The following TCERG1L variants were observed in gnomAD, a reference collection of about 807,000 sequenced individuals.
TCERG1L encodes transcription elongation regulator 1 like.
Under a neutral mutation model 56.3 loss-of-function variants are expected in TCERG1L, and 37 were observed. The ratio of observed to expected loss-of-function variants is 0.66; its 90% CI spans 0.51 to 0.87. TCERG1L has a LOEUF of 0.87. Ranked by LOEUF, TCERG1L falls within the 40% of genes least tolerant of loss-of-function variation. TCERG1L has a pLI of 0.00. For synonymous variants in TCERG1L, 324 were observed against 326.3 expected, an observed-to-expected ratio of 0.99 and a Z score of 0.08; for missense variants, 799 against 774.2, an observed-to-expected ratio of 1.03 and a Z score of -0.38.
Position 131,311,215 on chromosome 10 carries a change from C to T in TCERG1L, c.342+79G>A. 8.9e-7 allele frequency: 1 copy of T among 1,122,178 alleles called. No individual in the cohort carries two copies. Among genetic ancestry groups the T allele is most frequent in the Non-Finnish European group, 1.1e-6 (1 of 901,942 alleles). The allele number at this position is 1,122,178 out of a possible 1,614,324, so 69.5% of individuals were successfully genotyped here. A position where few individuals can be genotyped will look rare whatever the true frequency, so the allele number is the denominator to read the frequency against. On this transcript the variant is annotated intron_variant, in intron 1 of 11. Transcript: ENST00000368642. The surrounding 1 kb of genome is among the most constrained non-coding windows in gnomAD (Gnocchi z 4.0). ...GGGAGGAGGGCGCGCGAGCCGGAGG[C>T]CAGAGCCGGGCCGGGCAGGGCGCGC...
At chr10:131,182,904 CT>C (rs1465315012) in intron 4 of TCERG1L, among the ~76,000 whole-genome samples, 2 of 152,138 alleles carry the variant, frequency 1.3e-5, no homozygotes, top group African/African-American at 4.8e-5. Flanking sequence ...ATACAAATGG[CT>C]TTAATTAGTT....
chr10:131,304,382 C>A (rs1846798241), intron 3 of TCERG1L, among the ~76,000 whole-genome samples: 1 of 151,990 alleles, frequency 6.6e-6, no homozygotes, highest in East Asian at 1.9e-4. Flanking sequence ...CCCCCCAGAC[C>A]CTTCTCCACG....
chr10:131,174,607 G>A (rs924579313), intron 4 of TCERG1L, among the ~76,000 whole-genome samples: 4 of 152,190 alleles, frequency 2.6e-5, no homozygotes, highest in African/African-American at 9.7e-5. Context: ...TATAAATGGA[G>A]ATAATTTTCA....
intron 4 of TCERG1L, among the ~76,000 whole-genome samples, chr10:131,199,162 C>T (rs148152402): frequency 8.5e-5 from 13 of 152,252 alleles, no homozygotes; most frequent in African/African-American, 2.9e-4. Context: ...CTCCTGCTCC[C>T]GTTGTCTGGT....
intron 3 of TCERG1L, among the ~76,000 whole-genome samples, chr10:131,274,920 G>C (rs1011702558): frequency 6.6e-6 from 1 of 152,188 alleles, no homozygotes; most frequent in Non-Finnish European, 1.5e-5. Context: ...AGTCAGGCAG[G>C]CTCGAGATCT....
chr10:131,152,917 C>T (rs888074015), intron 6 of TCERG1L, among the ~76,000 whole-genome samples: 7 of 152,136 alleles, frequency 4.6e-5, no homozygotes, highest in South Asian at 4.2e-4. Context: ...AGAACTCACT[C>T]GCTATCAGGA....
chr10:131,111,531 C>T (rs1251569825), intron 9 of TCERG1L, among the ~76,000 whole-genome samples: 1 of 143,050 alleles, frequency 7.0e-6, no homozygotes, highest in Non-Finnish European at 1.6e-5. Context: ...AAGTGTTAAT[C>T]GAATTAGAGG....
intron 4 of TCERG1L, among the ~76,000 whole-genome samples, chr10:131,198,800 C>A (rs1221118553): frequency 1.3e-5 from 2 of 151,924 alleles, no homozygotes; most frequent in Non-Finnish European, 2.9e-5. Context: ...GGGCCCCGAG[C>A]CTCTCTGAGG....
chr10:131,203,576 G>A (rs913453902), intron 4 of TCERG1L, among the ~76,000 whole-genome samples: 2 of 152,196 alleles, frequency 1.3e-5, no homozygotes, highest in African/African-American at 4.8e-5. Flanking sequence ...ATTCGAAGAT[G>A]GTGCGTCTCT....
At chr10:131,303,214 A>C (rs530992260) in intron 3 of TCERG1L, among the ~76,000 whole-genome samples, 19 of 152,194 alleles carry the variant, frequency 1.2e-4, no homozygotes, top group Admixed American at 9.8e-4. Flanking sequence ...TGTCTTCCAC[A>C]ATGGTTGAAC....
intron 4 of TCERG1L, among the ~76,000 whole-genome samples, chr10:131,191,756 T>C (rs2133463084): frequency 7.6e-6 from 1 of 132,274 alleles, no homozygotes; most frequent in African/African-American, 2.9e-5. Context: ...TCCCAGCTAC[T>C]CGGGAGGCTG....
intron 9 of TCERG1L, among the ~76,000 whole-genome samples, chr10:131,115,574 G>A (rs919793195): frequency 3.2e-5 from 2 of 62,458 alleles, no homozygotes; most frequent in Non-Finnish European, 8.1e-5. Context: ...GGCCTGACAC[G>A]GGGTATTGCA....
intron 8 of TCERG1L, among the ~76,000 whole-genome samples, chr10:131,132,427 C>T (rs1845627871): frequency 6.6e-6 from 1 of 152,206 alleles, no homozygotes; most frequent in Non-Finnish European, 1.5e-5. Context: ...ATTAGCGTTT[C>T]AATGTTGTTG....
At chr10:131,171,023 G>A (rs902963779) in intron 4 of TCERG1L, among the ~76,000 whole-genome samples, 1 of 152,168 alleles carries the variant, frequency 6.6e-6, no homozygotes, top group Non-Finnish European at 1.5e-5. Context: ...GTGTATGCCT[G>A]TAATCCCAGC....
At chr10:131,110,371 C>A (rs1024150426) in intron 9 of TCERG1L, among the ~76,000 whole-genome samples, 1 of 152,202 alleles carries the variant, frequency 6.6e-6, no homozygotes, top group Non-Finnish European at 1.5e-5. Context: ...GGTGAGTCCA[C>A]AATTCAGCTG....
At chr10:131,214,285 T>G (rs1310337271) in intron 4 of TCERG1L, among the ~76,000 whole-genome samples, 1 of 151,954 alleles carries the variant, frequency 6.6e-6, no homozygotes, top group Non-Finnish European at 1.5e-5. Context: ...CAGGGCACAG[T>G]CCCCATGGGA....
intron 4 of TCERG1L, among the ~76,000 whole-genome samples, chr10:131,172,747 A>G (rs1846107538): frequency 6.6e-6 from 1 of 152,188 alleles, no homozygotes; most frequent in African/African-American, 2.4e-5. Context: ...GGGTGGCAGG[A>G]GCCAACCGGG....
At chr10:131,308,107 A>G (rs986305834) in intron 3 of TCERG1L, 104 bp downstream of exon 3, 3 of 1,164,892 alleles carry the variant, frequency 2.6e-6, no homozygotes, top group African/African-American at 3.1e-5. Flanking sequence ...TTTTACCAAG[A>G]TAATTGTTTC....
intron 8 of TCERG1L, among the ~76,000 whole-genome samples, chr10:131,132,297 G>A (rs541739298): frequency 6.6e-6 from 1 of 152,218 alleles, no homozygotes; most frequent in Non-Finnish European, 1.5e-5. Context: ...GAATCTTCAA[G>A]GCTGGAACCA....
Sources: allele counts gnomAD v4.1 joint callset (sites outside exome capture counted in the v4.1 genomes callset), GRCh38; gene constraint gnomAD v4.1.1; non-coding constraint Gnocchi (gnomAD v3.1); transcripts MANE v1.5; gene names NCBI Gene and HGNC (gene_info 2026-07-23, HGNC 2026-07-21).